Variants in KLHL1 observed in about 807,000 individuals in gnomAD.
The protein encoded by KLHL1 is kelch-like protein 1.
KLHL1 carries 47 observed loss-of-function variants against 77.7 expected under a neutral mutation model. The observed-to-expected ratio is 0.60, with a 90% CI of 0.48 to 0.77. The LOEUF is 0.77. KLHL1 is among the 30% of genes least tolerant of loss of function. The pLI is 0.00. For synonymous variants in KLHL1, 360 were observed against 325.2 expected (o/e 1.11, Z -1.15); for missense variants, 925 against 910.8 (o/e 1.02, Z -0.20).
chr13:69,715,186 T>A (rs942250288), intron 9 of KLHL1, among the ~76,000 whole-genome samples: 2 of 152,192 alleles, frequency 1.3e-5, no homozygotes, highest in African/African-American at 4.8e-5. Context: ...TAGGTTAGCA[T>A]AGAATCCTTG....
At chr13:69,839,603 T>G (rs2138111257) in intron 5 of KLHL1, among the ~76,000 whole-genome samples, 1 of 152,042 alleles carries the variant, frequency 6.6e-6, no homozygotes, top group South Asian at 2.1e-4. Context: ...TCAAGTATAG[T>G]TTAAATCTCT....
rs186101155 is a variant in KLHL1 at position 69,783,352 on chromosome 13, A to C, written c.1639+13386T>G. ...ATGACTTTGATGAGTTGAGAGAAGA[A>C]GTCTCCAGACGATCAAACTACTCTG... On this transcript the variant is annotated intron_variant, in intron 7 of 10. Transcript: ENST00000377844. 5.2e-3 allele frequency among the ~76,000 whole-genome samples: 790 copies of C among 152,316 alleles called. 3 individuals carry two copies. Among genetic ancestry groups the C allele is most frequent in the African/African-American group, 0.018 (746 of 41,570 alleles).
intron 1 of KLHL1, among the ~76,000 whole-genome samples, chr13:69,988,404 G>A (rs1303889755): frequency 6.6e-6 from 1 of 152,074 alleles, no homozygotes; most frequent in Admixed American, 6.6e-5. Context: ...TTGCTATTGT[G>A]AATAGTGCTG....
At chr13:69,992,305 C>T (rs760729429) in intron 1 of KLHL1, among the ~76,000 whole-genome samples, 96 of 152,000 alleles carry the variant, frequency 6.3e-4, no homozygotes, top group Admixed American at 3.3e-4. Context: ...AAACATATTA[C>T]AATCTCTTTT....
intron 7 of KLHL1, among the ~76,000 whole-genome samples, chr13:69,780,731 T>TATATACACATATATATATAC (rs1555267679): frequency 1.3e-5 from 1 of 75,320 alleles, no homozygotes; most frequent in African/African-American, 5.2e-5. Context: ...TATATATATA[T>TATATACACATATATATATAC]ACATATATAT....
chr13:69,850,325 G>T (rs1329096877), intron 5 of KLHL1, among the ~76,000 whole-genome samples: 5 of 151,198 alleles, frequency 3.3e-5, no homozygotes, highest in African/African-American at 1.2e-4. Flanking sequence ...TTTTTTTTGA[G>T]AATATGATAT....
At chr13:69,809,902 G>A (rs1243119184) in intron 6 of KLHL1, among the ~76,000 whole-genome samples, 5 of 151,744 alleles carry the variant, frequency 3.3e-5, no homozygotes, top group South Asian at 2.1e-4. Flanking sequence ...ATCACTATTC[G>A]TTTATCAGAT....
intron 1 of KLHL1, among the ~76,000 whole-genome samples, chr13:69,977,373 C>T (rs1487381914): frequency 6.6e-6 from 1 of 151,682 alleles, no homozygotes; most frequent in African/African-American, 2.4e-5. Context: ...TAAGGCAATA[C>T]AATAATTTAA....
At chr13:69,920,547 A>G (rs1379337001) in intron 4 of KLHL1, among the ~76,000 whole-genome samples, 2 of 152,144 alleles carry the variant, frequency 1.3e-5, no homozygotes, top group Non-Finnish European at 2.9e-5. Context: ...AGAAAACTAT[A>G]TTGAGGAGCA....
chr13:69,923,799 G>T (rs1429055180), intron 4 of KLHL1, among the ~76,000 whole-genome samples: 8 of 152,152 alleles, frequency 5.3e-5, no homozygotes, highest in Admixed American at 2.0e-4. Context: ...CAGAAGCCCT[G>T]CTGCCTTCTG....
At chr13:69,976,330 G>A (rs911383019) in intron 1 of KLHL1, among the ~76,000 whole-genome samples, 1 of 151,886 alleles carries the variant, frequency 6.6e-6, no homozygotes, top group Non-Finnish European at 1.5e-5. Context: ...TGACTTTCAT[G>A]TTCTGCACCC....
chr13:70,030,753 C>A (rs1886077120), intron 1 of KLHL1, among the ~76,000 whole-genome samples: 1 of 152,070 alleles, frequency 6.6e-6, no homozygotes, highest in Non-Finnish European at 1.5e-5. Flanking sequence ...CAGAGCAGAA[C>A]TGAAGGAGAC....
intron 1 of KLHL1, among the ~76,000 whole-genome samples, chr13:70,000,284 T>G (rs1466888205): frequency 6.6e-6 from 1 of 151,978 alleles, no homozygotes; most frequent in African/African-American, 2.4e-5. Flanking sequence ...CAAAAAAGAA[T>G]AGCTCATGTT....
At chr13:69,998,684 C>T (rs772830316) in intron 1 of KLHL1, among the ~76,000 whole-genome samples, 2 of 151,968 alleles carry the variant, frequency 1.3e-5, no homozygotes, top group Non-Finnish European at 2.9e-5. Context: ...ACAGACTTAT[C>T]GACTTTAAAC....
At chr13:69,929,694 A>T (rs948252796) in intron 4 of KLHL1, among the ~76,000 whole-genome samples, 1 of 151,888 alleles carries the variant, frequency 6.6e-6, no homozygotes, top group Admixed American at 6.6e-5. Context: ...AATGCTAAGA[A>T]TATATTATGC....
chr13:69,824,034 G>C (rs1053273725), intron 6 of KLHL1, among the ~76,000 whole-genome samples: 1 of 151,948 alleles, frequency 6.6e-6, no homozygotes, highest in African/African-American at 2.4e-5. Flanking sequence ...GTCTACGAGA[G>C]TATGTTTGTA....
chr13:69,748,433 T>C (rs370425247), intron 7 of KLHL1, among the ~76,000 whole-genome samples: 13 of 152,006 alleles, frequency 8.6e-5, no homozygotes, highest in African/African-American at 3.1e-4. Context: ...AATCCCCTGA[T>C]AAAACCATCA....
At chr13:69,917,787 G>A (rs145852786) in intron 4 of KLHL1, among the ~76,000 whole-genome samples, 157 of 152,042 alleles carry the variant, frequency 1.0e-3, no homozygotes, top group African/African-American at 3.5e-3. Context: ...AACATTCCAC[G>A]TATCTTTTGA....
At chr13:70,056,827 C>G (rs939680741) in intron 1 of KLHL1, among the ~76,000 whole-genome samples, 1 of 151,310 alleles carries the variant, frequency 6.6e-6, no homozygotes, top group Non-Finnish European at 1.5e-5. Context: ...AAAGCCAGTC[C>G]AAAGAGGAAA....
Sources: gnomAD v4.1 joint callset for allele counts (sites outside exome capture counted in the v4.1 genomes callset) on GRCh38, gnomAD v4.1.1 for gene constraint, MANE v1.5 for transcripts, NCBI Gene and HGNC (gene_info 2026-07-23, HGNC 2026-07-21) for gene names.